Variants in CRYBG3 observed in about 807,000 individuals in gnomAD.
The protein encoded by CRYBG3 is very large A-kinase anchor protein.
In CRYBG3, 127 loss-of-function variants were observed where a neutral mutation model predicts 244.2. That is an observed-to-expected ratio of 0.52 (90% CI 0.45 to 0.60). CRYBG3 has a LOEUF of 0.60. Among genes scored for constraint, CRYBG3 ranks in the 20% least tolerant of loss-of-function variants. The pLI is 0.00. For synonymous variants in CRYBG3, 1,132 were observed against 1,195.8 expected, an observed-to-expected ratio of 0.95 and a Z score of 1.10; for missense variants, 3,325 against 3,442.5, an observed-to-expected ratio of 0.97 and a Z score of 0.85.
At chr3:97,927,351 A>G (rs2040051163) in intron 17 of CRYBG3, among the ~76,000 whole-genome samples, 1 of 152,108 alleles carries the variant, frequency 6.6e-6, no homozygotes, top group South Asian at 2.1e-4. Context: ...GTGCTGGAAT[A>G]ATTGGCTAGC....
At chr3:97,837,694 T>C (rs1420433576) in intron 1 of CRYBG3, among the ~76,000 whole-genome samples, 1 of 152,132 alleles carries the variant, frequency 6.6e-6, no homozygotes, top group African/African-American at 2.4e-5. Context: ...GAATACTTTA[T>C]GTTAAGTGAC....
In CRYBG3 at chr3:97,884,045, G is replaced by T. The variant is rs148539438; in HGVS notation, c.7153-2586G>T. Among the ~76,000 whole-genome samples, 62 of 152,282 alleles carry T rather than the reference G, an allele frequency of 4.1e-4. No individual in the cohort carries two copies. The East Asian group carries it at 0.012, about 29-fold the overall frequency. On this transcript the variant is annotated intron_variant, in intron 7 of 21. Transcript: ENST00000389622. The stretch of plus-strand genomic sequence containing the variant: ...CAATGCAGAGGAAATTTGTTTGTGT[G>T]AGACAGTTAGTTACGTATTTTGTTA...
Position 97,895,973 on chromosome 3 carries a change from A to G in CRYBG3, c.7589A>G (p.Glu2530Gly), listed in dbSNP as rs1575946659. 6.2e-7 allele frequency: 1 copy of G among 1,613,220 alleles called. No individual in the cohort carries two copies. Among genetic ancestry groups the G allele is most frequent in the Non-Finnish European group, 8.5e-7 (1 of 1,179,606 alleles). Residue 2530 changes from glutamate (E) to glycine (G), a missense_variant, in exon 12 of 22, where the codon GAA becomes GGA. Glu to Gly is a moderately conservative substitution (Grantham distance 98). Transcript: ENST00000389622. ...RVIGGVWVAYEKEHFKGQQFL... is the reference protein window; with the variant it reads ...RVIGGVWVAYGKEHFKGQQFL... Reference sequence around the variant, plus strand: ...TGTATTTCTAGGTGGGTTGCCTATGAAAAAGAACATTTTAAAGGCCAGCAG... The same window carrying G: ...TGTATTTCTAGGTGGGTTGCCTATGGAAAAGAACATTTTAAAGGCCAGCAG...
intron 15 of CRYBG3, among the ~76,000 whole-genome samples, chr3:97,909,117 T>G (rs939333482): frequency 6.6e-6 from 1 of 152,176 alleles, no homozygotes; most frequent in African/African-American, 2.4e-5. Context: ...CGAGAGATCC[T>G]CTGTTAGTCT....
intron 1 of CRYBG3, among the ~76,000 whole-genome samples, chr3:97,824,823 A>T (rs2038557586): frequency 6.6e-6 from 1 of 152,214 alleles, no homozygotes; most frequent in Non-Finnish European, 1.5e-5. Flanking sequence ...AAGTTTTCAT[A>T]GGAAACTCAA....
intron 19 of CRYBG3, among the ~76,000 whole-genome samples, chr3:97,940,198 G>C (rs929256298): frequency 6.6e-6 from 1 of 151,916 alleles, no homozygotes; most frequent in South Asian, 2.1e-4. Context: ...GGCTTCTGTT[G>C]TGCTTCCATT....
intron 1 of CRYBG3, among the ~76,000 whole-genome samples, chr3:97,831,194 A>G (rs1216407154): frequency 6.6e-6 from 1 of 152,176 alleles, no homozygotes; most frequent in East Asian, 1.9e-4. Context: ...ATGGGAACTC[A>G]CTGGGCTTGA....
intron 1 of CRYBG3, chr3:97,837,144 G>T (rs1392917894): frequency 2.6e-5 from 4 of 152,162 alleles, no homozygotes; most frequent in African/African-American, 9.7e-5. Context: ...ATGACAGTGG[G>T]AGAGGGAGTG....
chr3:97,894,223 A>G (rs2039613850), intron 11 of CRYBG3, among the ~76,000 whole-genome samples: 1 of 152,176 alleles, frequency 6.6e-6, no homozygotes. Context: ...CCAATTTTCT[A>G]CTGCACAGAA....
chr3:97,917,562 C>A (rs1246635857), intron 17 of CRYBG3, among the ~76,000 whole-genome samples: 1 of 152,004 alleles, frequency 6.6e-6, no homozygotes, highest in African/African-American at 2.4e-5. Context: ...GCAAAGTGAC[C>A]ATGAAGACAC....
At chr3:97,918,997 G>A (rs558185794) in intron 17 of CRYBG3, among the ~76,000 whole-genome samples, 32 of 152,268 alleles carry the variant, frequency 2.1e-4, no homozygotes, top group African/African-American at 7.5e-4. Flanking sequence ...CTTGGGCAGG[G>A]ATGAAGTTGA....
At chr3:97,856,994 T>A (rs1311846053) in intron 2 of CRYBG3, among the ~76,000 whole-genome samples, 1 of 152,150 alleles carries the variant, frequency 6.6e-6, no homozygotes, top group East Asian at 1.9e-4. Context: ...GTTGTTTATT[T>A]GAAATAATTT....
In CRYBG3 at chr3:97,899,218, G is replaced by C; in HGVS notation, c.7926G>C (p.Trp2642Cys). ...EKGKYKCFFD[W>C]GGSNNIIMSI... ...GGAAATACAAATGCTTTTTTGACTG[G>C]GGAGGATCAAATAATATAATCATGT... Residue 2642 changes from tryptophan (W) to cysteine (C), a missense_variant, in exon 14 of 22, where the codon TGG (tryptophan) becomes TGC (cysteine). Physicochemically the swap from Trp to Cys is radical, Grantham distance 215. Transcript: ENST00000389622. 6.2e-7 allele frequency: 1 copy of C among 1,613,394 alleles called. No homozygotes were observed. Among genetic ancestry groups the C allele is most frequent in the East Asian group, 2.2e-5 (1 of 44,826 alleles).
intron 15 of CRYBG3, among the ~76,000 whole-genome samples, chr3:97,904,197 C>T (rs2039737488): frequency 6.6e-6 from 1 of 152,062 alleles, no homozygotes. Context: ...ATGGACAATC[C>T]TCAGAACATT....
chr3:97,874,626 C>T lies in CRYBG3; in HGVS notation c.3432C>T (p.Ala1144=), dbSNP rs1334720222. Residue 1144 remains alanine, a synonymous_variant, in exon 4 of 22, where the codon GCC becomes GCT. Transcript: ENST00000389622. ...GKISIDFPTA[A]QFDNLVEAET... is the part of the protein sequence containing the mutation. ...TATCCATTGATTTCCCAACTGCTGC[C>T]CAATTTGACAATCTCGTGGAAGCAG... 5 of 1,535,902 alleles carry T rather than the reference C, an allele frequency of 3.3e-6. No homozygotes were observed. The highest frequency in any genetic ancestry group is 1.4e-5 in the African/African-American group (1 of 73,010).
At chr3:97,867,642 A>C (rs1487548163) in intron 3 of CRYBG3, among the ~76,000 whole-genome samples, 1 of 152,192 alleles carries the variant, frequency 6.6e-6, no homozygotes, top group East Asian at 1.9e-4. Flanking sequence ...TGAAATTTTT[A>C]GATATTTTAC....
chr3:97,831,095 A>C (rs936170446), intron 1 of CRYBG3, among the ~76,000 whole-genome samples: 1 of 152,196 alleles, frequency 6.6e-6, no homozygotes, highest in Non-Finnish European at 1.5e-5. Flanking sequence ...TTGATTACCA[A>C]ATATCCCAGT....
chr3:97,902,916 G>A (rs1334677261), intron 15 of CRYBG3, among the ~76,000 whole-genome samples: 1 of 152,006 alleles, frequency 6.6e-6, no homozygotes, highest in Non-Finnish European at 1.5e-5. Flanking sequence ...AGCAAGTCCT[G>A]AATATCTGAA....
At chr3:97,922,924 AC>A (rs199791018) in intron 17 of CRYBG3, among the ~76,000 whole-genome samples, 36,531 of 152,110 alleles carry the variant, frequency 0.24, 4,693 homozygotes, top group Middle Eastern at 0.33. Flanking sequence ...AATAGCAAAG[AC>A]TTGGAACCAA....
Sources: allele counts gnomAD v4.1 joint callset (sites outside exome capture counted in the v4.1 genomes callset), GRCh38; gene constraint gnomAD v4.1.1; transcripts MANE v1.5; gene names NCBI Gene and HGNC (gene_info 2026-07-23, HGNC 2026-07-21).